Variants in PXDNL observed in about 807,000 individuals in gnomAD.
The protein encoded by PXDNL is probable oxidoreductase PXDNL.
PXDNL carries 145 observed loss-of-function variants against 150.8 expected under a neutral mutation model. The observed-to-expected ratio is 0.96, with a 90% CI of 0.84 to 1.10. PXDNL has a LOEUF of 1.10. PXDNL is among the 50% of genes least tolerant of loss of function. PXDNL has a pLI of 0.00. For missense variants in PXDNL, 2,087 were observed against 1,873.9 expected (o/e 1.11, Z -2.10); for synonymous variants, 757 against 725.7 (o/e 1.04, Z -0.69).
At chr8:51,589,513 G>GTAAATATTTT (rs1335963376) in intron 3 of PXDNL, among the ~76,000 whole-genome samples, 1,545 of 152,294 alleles carry the variant, frequency 0.01, 26 homozygotes, top group African/African-American at 0.035. Context: ...TAGAAATATG[G>GTAAATATTTT]ACAGTAAAAG....
chr8:51,691,083 G>A (rs1243829572), intron 1 of PXDNL, among the ~76,000 whole-genome samples: 3 of 152,174 alleles, frequency 2.0e-5, no homozygotes, highest in African/African-American at 7.2e-5. Context: ...TTTGTCAGAT[G>A]AGCAGGTTGC....
chr8:51,670,786 T>C (rs528493413), intron 1 of PXDNL, among the ~76,000 whole-genome samples: 1 of 152,332 alleles, frequency 6.6e-6, no homozygotes, highest in Non-Finnish European at 1.5e-5. Context: ...TAGAAACTAA[T>C]GTGTCCCCCA....
At chr8:51,402,179 G>A (rs1808270057) in intron 17 of PXDNL, among the ~76,000 whole-genome samples, 1 of 152,150 alleles carries the variant, frequency 6.6e-6, no homozygotes, top group African/African-American at 2.4e-5. Flanking sequence ...TCATAAAATA[G>A]GTACATATAC....
At chr8:51,660,134 C>A (rs560635263) in intron 1 of PXDNL, among the ~76,000 whole-genome samples, 1 of 152,232 alleles carries the variant, frequency 6.6e-6, no homozygotes, top group Non-Finnish European at 1.5e-5. Flanking sequence ...AGGTGATCCG[C>A]CCACCTAGGC....
chr8:51,439,305 C>T (rs577673067), intron 12 of PXDNL, among the ~76,000 whole-genome samples: 18 of 151,722 alleles, frequency 1.2e-4, no homozygotes, highest in African/African-American at 4.4e-4. Context: ...TACAAAGGGC[C>T]AACAAACATA....
At chr8:51,589,455 A>G (rs1327381081) in intron 3 of PXDNL, among the ~76,000 whole-genome samples, 1 of 152,202 alleles carries the variant, frequency 6.6e-6, no homozygotes, top group Non-Finnish European at 1.5e-5. Flanking sequence ...ATCTGTAGAA[A>G]AGGTATGGAA....
In PXDNL at chr8:51,413,168, C is replaced by T. The variant is rs868861929; in HGVS notation, c.1886G>A (p.Arg629Gln). 6 of 1,594,108 alleles carry T rather than the reference C, an allele frequency of 3.8e-6. No individual in the cohort carries two copies. The highest frequency in any genetic ancestry group is 2.2e-5 in the East Asian group (1 of 44,732). ...TTCTTACTGTGAAAACAAATGTCTT[C>T]GTGTGGAGTTAATTGCACTGTCAAC... ...QRVDSAINST[R>Q]RHLFSQKPHT... is the part of the protein sequence containing the mutation. The change falls in exon 15 of 23, where the codon CGA becomes CAA. Residue 629 changes from arginine (R) to glutamine (Q), a missense_variant. Physicochemically the swap from Arg to Gln is conservative, Grantham distance 43. Transcript: ENST00000356297.
chr8:51,762,479 GA>G (rs1170975222), intron 1 of PXDNL, among the ~76,000 whole-genome samples: 1 of 152,136 alleles, frequency 6.6e-6, no homozygotes, highest in African/African-American at 2.4e-5. Context: ...TGCTATCTGA[GA>G]GCTTCCTCTG....
intron 17 of PXDNL, among the ~76,000 whole-genome samples, chr8:51,378,286 C>T (rs568679910): frequency 1.6e-4 from 25 of 152,208 alleles, no homozygotes; most frequent in Middle Eastern, 3.4e-3. Context: ...CACCAATCAG[C>T]ACTCTGTGTC....
intron 14 of PXDNL, among the ~76,000 whole-genome samples, chr8:51,420,282 C>T (rs776882988): frequency 1.3e-4 from 20 of 152,054 alleles, no homozygotes; most frequent in Non-Finnish European, 2.4e-4. Context: ...TTATAATGAC[C>T]TGGTGAATGA....
At chr8:51,777,698 T>C (rs1330781970) in intron 1 of PXDNL, among the ~76,000 whole-genome samples, 1 of 151,266 alleles carries the variant, frequency 6.6e-6, no homozygotes, top group Non-Finnish European at 1.5e-5. Context: ...AGGTCAGGAG[T>C]CTGAGACCAC....
At chr8:51,761,447 C>A (rs2037165707) in intron 1 of PXDNL, among the ~76,000 whole-genome samples, 1 of 152,082 alleles carries the variant, frequency 6.6e-6, no homozygotes, top group African/African-American at 2.4e-5. Context: ...TAGCTCATAT[C>A]CAGTGCTCAA....
intron 21 of PXDNL, among the ~76,000 whole-genome samples, chr8:51,323,918 A>G (rs1377948219): frequency 7.8e-6 from 1 of 127,656 alleles, no homozygotes; most frequent in African/African-American, 3.8e-5. Context: ...CTTCATCTCA[A>G]AAAAAATAAA....
rs1427097243 is a variant in PXDNL at position 51,546,718 on chromosome 8, C to T, written c.380+10122G>A. ...GGAGGGGCGAGGCCTGAGACCCCTACTTGCTTTCTCAGTCAGGAAGCTTGT... is the reference window on the plus strand; with the variant it reads ...GGAGGGGCGAGGCCTGAGACCCCTATTTGCTTTCTCAGTCAGGAAGCTTGT... On this transcript the variant is annotated intron_variant, in intron 4 of 22. Coordinates refer to ENST00000356297, the MANE Select transcript of PXDNL (RefSeq NM_144651.5). Among the ~76,000 whole-genome samples, 5 of 152,314 alleles carry T rather than the reference C, an allele frequency of 3.3e-5. No individual in the cohort carries two copies. The South Asian group carries it at 1.0e-3, about 32-fold the overall frequency.
At chr8:51,352,498 C>T (rs1425929143) in intron 19 of PXDNL, among the ~76,000 whole-genome samples, 2 of 152,068 alleles carry the variant, frequency 1.3e-5, no homozygotes, top group African/African-American at 2.4e-5. Flanking sequence ...GTGGTTTCCC[C>T]CATGCTGTTC....
At chr8:51,625,378 A>G (rs866079641) in intron 2 of PXDNL, among the ~76,000 whole-genome samples, 1 of 152,236 alleles carries the variant, frequency 6.6e-6, no homozygotes, top group African/African-American at 2.4e-5. Flanking sequence ...TCAAATATTT[A>G]TAAAGGCAAA....
intron 1 of PXDNL, among the ~76,000 whole-genome samples, chr8:51,784,114 C>A (rs2037439592): frequency 6.6e-6 from 1 of 152,164 alleles, no homozygotes; most frequent in African/African-American, 2.4e-5. Flanking sequence ...CTTAGTTTAG[C>A]AAACTGTAAA....
At chr8:51,761,025 A>ATTTTTTT (rs71237238) in intron 1 of PXDNL, among the ~76,000 whole-genome samples, 1 of 114,492 alleles carries the variant, frequency 8.7e-6, no homozygotes, top group African/African-American at 3.6e-5. Context: ...CGCCCGGCTA[A>ATTTTTTT]TTTTTTTTTT....
In PXDNL at chr8:51,610,631, G is replaced by A. The variant is rs1018851233; in HGVS notation, c.237-17933C>T. 1.1e-4 allele frequency among the ~76,000 whole-genome samples: 16 copies of A among 152,256 alleles called. No individual in the cohort carries two copies. In the South Asian group the frequency reaches 2.3e-3, roughly 22 times the overall value. ...TTATCTCAATTGGTTTAGGAGTACA[G>A]GCATGGCTCTGTTGCATCCTCTGCT... On this transcript the variant is annotated intron_variant, in intron 2 of 22. Coordinates refer to ENST00000356297, the MANE Select transcript of PXDNL (RefSeq NM_144651.5).
Sources: gnomAD v4.1 joint callset for allele counts (sites outside exome capture counted in the v4.1 genomes callset) on GRCh38, gnomAD v4.1.1 for gene constraint, MANE v1.5 for transcripts, NCBI Gene and HGNC (gene_info 2026-07-23, HGNC 2026-07-21) for gene names.